Variants in ZNF385B observed in about 807,000 individuals in gnomAD.
ZNF385B encodes the protein zinc finger protein 533.
In ZNF385B, 23 loss-of-function variants were observed where a neutral mutation model predicts 39.2. That is an observed-to-expected ratio of 0.59 (90% CI 0.42 to 0.83). The LOEUF is 0.83. Among genes scored for constraint, ZNF385B ranks in the 40% least tolerant of loss-of-function variants. The pLI, the probability that ZNF385B is intolerant of heterozygous loss-of-function variation, is 0.00. For synonymous variants in ZNF385B, 205 were observed against 222.6 expected (o/e 0.92, Z 0.70); for missense variants, 552 against 598.9 (o/e 0.92, Z 0.82).
At chr2:179,470,035 A>G (rs1025541857) in intron 6 of ZNF385B, among the ~76,000 whole-genome samples, 2 of 152,148 alleles carry the variant, frequency 1.3e-5, no homozygotes, top group African/African-American at 4.8e-5. Context: ...CTTTTGACTC[A>G]GTGTCGTTGG....
chr2:179,584,412 G>A lies in ZNF385B; in HGVS notation c.299-39443C>T, dbSNP rs190230511. On this transcript the variant is annotated intron_variant, in intron 3 of 9. Transcript: ENST00000410066. The stretch of plus-strand genomic sequence containing the variant: ...AAATGACAAAAGAAAGACGGGCATC[G>A]AACAACATGAGTCTAGGGGCAGGAA... Among the ~76,000 whole-genome samples, 210 of 152,206 alleles carry A rather than the reference G, an allele frequency of 1.4e-3. No homozygotes were observed. The Middle Eastern group carries it at 0.024, about 17-fold the overall frequency.
chr2:179,861,153 C>G lies in ZNF385B; in HGVS notation c.-207G>C, dbSNP rs1228018647. 1.3e-5 allele frequency: 2 copies of G among 152,532 alleles called. No homozygotes were observed. Among genetic ancestry groups the G allele is most frequent in the Non-Finnish European group, 2.9e-5 (2 of 68,400 alleles). 9.4% of individuals were successfully genotyped at this position (152,532 alleles called of 1,614,324 possible). ...GGCAGTGGCTCCTCCAGCCGGGAAG[C>G]TGTTGCTCACGCTCCGGTGGTTGCT... On this transcript the variant is annotated 5_prime_UTR_variant, in exon 1 of 10. Transcript: ENST00000410066.
chr2:179,476,950 A>G (rs1014407584), intron 6 of ZNF385B, among the ~76,000 whole-genome samples: 22 of 152,334 alleles, frequency 1.4e-4, no homozygotes, highest in African/African-American at 5.3e-4. Context: ...AGATAGATGT[A>G]TGCCAAATTT....
At chr2:179,716,463 A>G (rs929829668) in intron 3 of ZNF385B, among the ~76,000 whole-genome samples, 13 of 152,182 alleles carry the variant, frequency 8.5e-5, no homozygotes, top group Admixed American at 6.5e-5. Flanking sequence ...AATGCTTTAG[A>G]GGCACTAAAA....
intron 4 of ZNF385B, 86 bp downstream of exon 4, chr2:179,544,741 G>A: frequency 6.5e-7 from 1 of 1,534,090 alleles, no homozygotes; most frequent in East Asian, 2.3e-5. Flanking sequence ...ACACACTTTG[G>A]AAACAGGCTG....
In ZNF385B at chr2:179,612,003, G is replaced by A. The variant is rs940923349; in HGVS notation, c.299-67034C>T. Among the ~76,000 whole-genome samples, 3 of 151,630 alleles carry A rather than the reference G, an allele frequency of 2.0e-5. No individual in the cohort carries two copies. The South Asian group carries it at 6.3e-4, about 32-fold the overall frequency. On this transcript the variant is annotated intron_variant, in intron 3 of 9. Transcript: ENST00000410066. Reference sequence around the variant, plus strand: ...TCTTCTTGTTCTTTTGTTTAGTCTGGTGAGAGATTCTGATAAATACTGCAG... The same window carrying A: ...TCTTCTTGTTCTTTTGTTTAGTCTGATGAGAGATTCTGATAAATACTGCAG...
At chr2:179,519,168 T>C (rs2058308866) in intron 4 of ZNF385B, among the ~76,000 whole-genome samples, 1 of 152,180 alleles carries the variant, frequency 6.6e-6, no homozygotes, top group Non-Finnish European at 1.5e-5. Context: ...ATGTTTTCCC[T>C]GTATGAGGCA....
intron 1 of ZNF385B, among the ~76,000 whole-genome samples, chr2:179,818,645 C>T (rs530376007): frequency 2.6e-5 from 4 of 152,280 alleles, no homozygotes; most frequent in South Asian, 2.1e-4. Flanking sequence ...AGCACTGACA[C>T]GGTATGCTGG....
At chr2:179,834,892 A>C (rs1406493156) in intron 1 of ZNF385B, among the ~76,000 whole-genome samples, 1 of 152,232 alleles carries the variant, frequency 6.6e-6, no homozygotes, top group Non-Finnish European at 1.5e-5. Context: ...ACATTTAGCC[A>C]AAATCTACTC....
intron 1 of ZNF385B, among the ~76,000 whole-genome samples, chr2:179,800,419 T>C (rs1705955174): frequency 6.6e-6 from 1 of 152,122 alleles, no homozygotes; most frequent in Non-Finnish European, 1.5e-5. Flanking sequence ...GCTCTGAACA[T>C]GATTTCAGTT....
At chr2:179,512,527 C>T (rs143877312) in intron 5 of ZNF385B, among the ~76,000 whole-genome samples, 40 of 152,206 alleles carry the variant, frequency 2.6e-4, no homozygotes, top group Middle Eastern at 3.4e-3. Flanking sequence ...CTCATTTCCC[C>T]GGCAAAGCTT....
chr2:179,773,788 CAATA>C (rs1226647201), intron 1 of ZNF385B, among the ~76,000 whole-genome samples: 2 of 152,288 alleles, frequency 1.3e-5, no homozygotes, highest in East Asian at 1.9e-4. Flanking sequence ...CAATAAACTA[CAATA>C]AATTCTTTGG....
At chr2:179,826,352 C>T (rs997890880) in intron 1 of ZNF385B, among the ~76,000 whole-genome samples, 9 of 152,150 alleles carry the variant, frequency 5.9e-5, no homozygotes, top group Non-Finnish European at 7.4e-5. Context: ...AGCTTTGATG[C>T]CCTCACGGGT....
intron 4 of ZNF385B, chr2:179,536,188 CCT>C (rs2059555119): frequency 6.6e-6 from 1 of 151,680 alleles, no homozygotes; most frequent in Admixed American, 6.6e-5. Context: ...TTAAAATTTT[CCT>C]GTTTCCTCTT....
At chr2:179,778,434 G>A (rs953461049) in intron 1 of ZNF385B, among the ~76,000 whole-genome samples, 1 of 152,172 alleles carries the variant, frequency 6.6e-6, no homozygotes, top group African/African-American at 2.4e-5. Flanking sequence ...TTCCTGGGAG[G>A]TGGGACCGAG....
intron 1 of ZNF385B, among the ~76,000 whole-genome samples, chr2:179,821,318 T>C (rs1707381806): frequency 6.6e-6 from 1 of 152,148 alleles, no homozygotes; most frequent in Non-Finnish European, 1.5e-5. Context: ...CCATTTAATA[T>C]CAGAAATGCT....
chr2:179,464,890 C>CT (rs1392215300), intron 6 of ZNF385B, among the ~76,000 whole-genome samples: 3 of 152,074 alleles, frequency 2.0e-5, no homozygotes, highest in Non-Finnish European at 4.4e-5. Flanking sequence ...ACACTTGATT[C>CT]TTTTTTTCTG....
intron 4 of ZNF385B, among the ~76,000 whole-genome samples, chr2:179,522,419 T>A (rs1226591088): frequency 1.3e-5 from 2 of 152,222 alleles, no homozygotes; most frequent in African/African-American, 4.8e-5. Flanking sequence ...ATTCTTTTAT[T>A]CTATCACTAA....
intron 6 of ZNF385B, among the ~76,000 whole-genome samples, chr2:179,471,822 C>T (rs1009556179): frequency 6.6e-6 from 1 of 152,182 alleles, no homozygotes; most frequent in African/African-American, 2.4e-5. Flanking sequence ...ATCCATGGCA[C>T]AAACAGAGGT....
Sources: gnomAD v4.1 joint callset for allele counts (sites outside exome capture counted in the v4.1 genomes callset) on GRCh38, gnomAD v4.1.1 for gene constraint, MANE v1.5 for transcripts, NCBI Gene and HGNC (gene_info 2026-07-23, HGNC 2026-07-21) for gene names.